The following GPLD1 variants were observed in gnomAD, a reference collection of about 807,000 sequenced individuals.
GPLD1 encodes the protein glycosylphosphatidylinositol specific phospholipase D1, also known as phosphatidylinositol-glycan-specific phospholipase D.
Under a neutral mutation model 112.6 loss-of-function variants are expected in GPLD1, and 84 were observed. The observed-to-expected ratio is 0.75, with a 90% CI of 0.63 to 0.89. The LOEUF (loss-of-function observed/expected upper bound fraction) is 0.89, where lower values mean the gene tolerates loss of function less well. Among genes scored for constraint, GPLD1 ranks in the 40% least tolerant of loss-of-function variants. The pLI is 0.00. For missense variants in GPLD1, 1,044 were observed against 1,051.5 expected (o/e 0.99, Z 0.10); for synonymous variants, 386 against 403.8 (o/e 0.96, Z 0.53).
intron 15 of GPLD1, 106 bp from the exon 16 acceptor site, chr6:24,448,314 T>C: frequency 1.4e-6 from 1 of 736,656 alleles, no homozygotes; most frequent in Non-Finnish European, 2.3e-6. Flanking sequence ...GTATGGTGGC[T>C]GATGTCTATA....
chr6:24,448,005 A>G lies in GPLD1; in HGVS notation c.1550T>C (p.Leu517Pro). Residue 517 changes from leucine (L) to proline (P), a missense_variant, in exon 17 of 25, where the codon CTC becomes CCC. Coordinates refer to ENST00000230036, the MANE Select transcript of GPLD1 (RefSeq NM_001503.4). Reference sequence around the variant, plus strand: ...GTCTCCATTCACATCTGCAGCCAAGAGAGTCCAGCCCAAGTTACAGTAGAT... The same window carrying G: ...GTCTCCATTCACATCTGCAGCCAAGGGAGTCCAGCCCAAGTTACAGTAGAT... ...QDIYCNLGWT[L>P]LAADVNGDSE... 6.2e-7 allele frequency: 1 copy of G among 1,613,850 alleles called. No homozygotes were observed. Among genetic ancestry groups the G allele is most frequent in the Non-Finnish European group, 8.5e-7 (1 of 1,179,982 alleles).
chr6:24,484,583 A>G (rs1467060957), intron 2 of GPLD1, among the ~76,000 whole-genome samples: 1 of 152,180 alleles, frequency 6.6e-6, no homozygotes, highest in Non-Finnish European at 1.5e-5. Flanking sequence ...GTGTCCATTT[A>G]ACATGTTTTA....
intron 10 of GPLD1, among the ~76,000 whole-genome samples, chr6:24,465,570 TAAAAAA>T (rs373392356): frequency 6.8e-6 from 1 of 147,062 alleles, no homozygotes. Context: ...CATGTGCTCT[TAAAAAA>T]AAAAGAAAAA....
At chr6:24,491,684 G>C (rs1665502920), upstream of GPLD1, among the ~76,000 whole-genome samples, 1 of 151,654 alleles carries the variant, frequency 6.6e-6, no homozygotes, top group African/African-American at 2.4e-5. Context: ...CTCCAGCCTG[G>C]GCAAGACCCC....
chr6:24,433,240 G>A lies in GPLD1; in HGVS notation c.2386-3C>T. On this transcript the variant is annotated splice_region_variant and splice_polypyrimidine_tract_variant and intron_variant, in intron 23 of 24. Transcript: ENST00000230036. Reference sequence around the variant, plus strand: ...GAGCTCCCAAACCTTGAGCTGGCCTGTAAAACATGCCGTCTGTTAATGGGC... The same window carrying A: ...GAGCTCCCAAACCTTGAGCTGGCCTATAAAACATGCCGTCTGTTAATGGGC... 1 of 1,612,602 alleles carries A rather than the reference G, an allele frequency of 6.2e-7. No individual in the cohort carries two copies. Among genetic ancestry groups the A allele is most frequent in the Non-Finnish European group, 8.5e-7 (1 of 1,178,608 alleles).
intron 20 of GPLD1, among the ~76,000 whole-genome samples, chr6:24,437,620 G>A (rs1762623014): frequency 6.6e-6 from 1 of 152,190 alleles, no homozygotes; most frequent in Admixed American, 6.5e-5. Context: ...AGTGGACTCT[G>A]GATGGAGTCC....
chr6:24,461,921 A>G (rs1277690925), intron 11 of GPLD1, among the ~76,000 whole-genome samples: 3 of 152,088 alleles, frequency 2.0e-5, no homozygotes, highest in East Asian at 3.8e-4. Flanking sequence ...TGTAATATTA[A>G]TAACTTATTA....
At chr6:24,436,887 T>A in intron 21 of GPLD1, 151 bp from the exon 22 acceptor site, 2 of 829,288 alleles carry the variant, frequency 2.4e-6, no homozygotes, top group Non-Finnish European at 3.7e-6. Context: ...AAGGCTTTTG[T>A]TTCCTACTTC....
intron 20 of GPLD1, 94 bp downstream of exon 20, chr6:24,445,452 G>A: frequency 1.2e-6 from 1 of 807,220 alleles, no homozygotes; most frequent in East Asian, 2.4e-5. Context: ...ACCTAGATCT[G>A]TTCAGCTCCA....
chr6:24,437,414 G>T, intron 20 of GPLD1, 125 bp from the exon 21 acceptor site: 1 of 785,552 alleles, frequency 1.3e-6, no homozygotes, highest in Non-Finnish European at 2.0e-6. Context: ...TTTCGGAGCT[G>T]GTCATCTCCG....
At chr6:24,461,735 CTTG>C (rs1023681730) in intron 11 of GPLD1, among the ~76,000 whole-genome samples, 9 of 152,232 alleles carry the variant, frequency 5.9e-5, no homozygotes, top group Admixed American at 2.0e-4. Flanking sequence ...TCCACAATTA[CTTG>C]TTTAGTGCCC....
intron 4 of GPLD1, 35 bp from the exon 5 acceptor site, chr6:24,475,266 G>A (rs1763971810): frequency 9.4e-7 from 1 of 1,064,056 alleles, no homozygotes; most frequent in Non-Finnish European, 1.5e-6. Flanking sequence ...ATGTGTGTTT[G>A]GGTGATTTTA....
chr6:24,448,963 C>T (rs1313712891), intron 15 of GPLD1, among the ~76,000 whole-genome samples: 1 of 152,018 alleles, frequency 6.6e-6, no homozygotes, highest in Non-Finnish European at 1.5e-5. Flanking sequence ...GAAAGGCTGG[C>T]ACACAGGTCA....
upstream of GPLD1, among the ~76,000 whole-genome samples, chr6:24,492,750 T>G (rs569938084): frequency 6.6e-6 from 1 of 152,056 alleles, no homozygotes; most frequent in African/African-American, 2.4e-5. Context: ...AGGAGGAAAT[T>G]GTTTACACTC....
chr6:24,429,069 G>A lies in GPLD1; in HGVS notation c.2486C>T (p.Ser829Phe). The change falls in exon 25 of 25, where the codon TCC becomes TTC. Residue 829 changes from serine to phenylalanine, a missense_variant. Transcript: ENST00000230036. ...AAGGCTATAGACGTGAAGTGCCCCG[G>A]AGAGTCGGGCTCCCAAAGAACTCCT... ...AGRSSLGARL[S>F]GALHVYSLGS... 1.2e-6 allele frequency: 2 copies of A among 1,613,806 alleles called. No individual in the cohort carries two copies. The highest frequency in any genetic ancestry group is 2.2e-5 in the South Asian group (2 of 91,038).
intron 14 of GPLD1, 83 bp from the exon 15 acceptor site, chr6:24,449,982 C>T (rs563341923): frequency 5.1e-4 from 472 of 924,348 alleles, no homozygotes; most frequent in Middle Eastern, 2.2e-3. Context: ...GTAGAGAGGC[C>T]TGGGACAACC....
chr6:24,432,625 T>C (rs1025556876), intron 24 of GPLD1, among the ~76,000 whole-genome samples: 8 of 152,158 alleles, frequency 5.3e-5, no homozygotes, highest in Non-Finnish European at 1.0e-4. Flanking sequence ...AAGAAAAAAC[T>C]CTGAAAGTCT....
chr6:24,458,228 C>T (rs1208751797), intron 12 of GPLD1, among the ~76,000 whole-genome samples: 1 of 152,008 alleles, frequency 6.6e-6, no homozygotes, highest in African/African-American at 2.4e-5. Flanking sequence ...CCAGATGGCT[C>T]AGGCGCTGCA....
chr6:24,454,356 T>C (rs1763199070), intron 13 of GPLD1, among the ~76,000 whole-genome samples, 155 bp from the exon 14 acceptor site: 1 of 152,254 alleles, frequency 6.6e-6, no homozygotes, highest in Non-Finnish European at 1.5e-5. Context: ...TCTCAGGTTG[T>C]ATTGTTAGTG....
Sources: allele counts gnomAD v4.1 joint callset (sites outside exome capture counted in the v4.1 genomes callset), GRCh38; gene constraint gnomAD v4.1.1; transcripts MANE v1.5; gene names NCBI Gene and HGNC (gene_info 2026-07-23, HGNC 2026-07-21).